The following MTCL3 variants were observed in gnomAD, a reference collection of about 807,000 sequenced individuals.
MTCL3 encodes MTCL family member 3.
chr6:127,505,331 T>C, the MTCL3 span, among the ~76,000 whole-genome samples: 10 of 152,198 alleles, frequency 6.6e-5, no homozygotes, highest in African/African-American at 2.2e-4. Flanking sequence ...TGGAATAGTA[T>C]GCAGCCATAA....
the MTCL3 span, among the ~76,000 whole-genome samples, chr6:127,493,247 T>A: frequency 1.3e-5 from 2 of 152,324 alleles, no homozygotes; most frequent in East Asian, 3.9e-4. Context: ...CAAAGTGAAC[T>A]ATACCCAGAA....
the MTCL3 span, among the ~76,000 whole-genome samples, chr6:127,491,878 CAAA>C: frequency 1.2e-3 from 71 of 60,762 alleles, no homozygotes; most frequent in African/African-American, 3.1e-3. Context: ...GACCCTGTCT[CAAA>C]AAAAAAAAAA....
At chr6:127,486,493 T>G in the MTCL3 span, among the ~76,000 whole-genome samples, 1 of 152,112 alleles carries the variant, frequency 6.6e-6, no homozygotes, top group Non-Finnish European at 1.5e-5. Flanking sequence ...ACCTCCCCCC[T>G]TGTCATCCTC....
the MTCL3 span, chr6:127,516,329 G>C: frequency 3.1e-6 from 5 of 1,595,308 alleles, no homozygotes; most frequent in South Asian, 2.2e-5. Context: ...CCGCCTCCTC[G>C]GATGCTGGCG....
At chr6:127,487,717 C>T in the MTCL3 span, among the ~76,000 whole-genome samples, 1 of 152,106 alleles carries the variant, frequency 6.6e-6, no homozygotes, top group Non-Finnish European at 1.5e-5. Context: ...ATCTTAAGGT[C>T]CAGAGGGGAA....
chr6:127,475,878 G>T, the MTCL3 span: 1 of 1,613,586 alleles, frequency 6.2e-7, no homozygotes, highest in Non-Finnish European at 8.5e-7. This position sits in a 1 kb window ranked among gnomAD's most constrained non-coding sequence, Gnocchi z 7.3. Context: ...TGACCTTGCC[G>T]CTGAGCTCGT....
At chr6:127,516,292 A>T in the MTCL3 span, 1 of 1,548,876 alleles carries the variant, frequency 6.5e-7, no homozygotes, top group Non-Finnish European at 8.7e-7. Context: ...TTTGGGCGCC[A>T]GGGGCGTCGC....
the MTCL3 span, among the ~76,000 whole-genome samples, chr6:127,474,050 C>A: frequency 6.6e-6 from 1 of 152,088 alleles, no homozygotes; most frequent in Admixed American, 6.6e-5. Context: ...ATTAGTGTTG[C>A]CTTCAAGCTA....
At chr6:127,515,501 C>A in the MTCL3 span, 1 of 1,427,092 alleles carries the variant, frequency 7.0e-7, no homozygotes. The surrounding 1 kb of genome is among the most constrained non-coding windows in gnomAD (Gnocchi z 4.3). Context: ...CCGGGTCCCC[C>A]CACCCTCCTC....
the MTCL3 span, among the ~76,000 whole-genome samples, chr6:127,490,423 T>C: frequency 6.6e-6 from 1 of 152,064 alleles, no homozygotes; most frequent in Non-Finnish European, 1.5e-5. Flanking sequence ...AAAATGTACT[T>C]TATAAGGCTA....
chr6:127,516,348 C>T, the MTCL3 span: 4,969 of 1,596,552 alleles, frequency 3.1e-3, 142 homozygotes, highest in African/African-American at 0.056. Flanking sequence ...CGGGCGGCCC[C>T]GTGCGGCTCC....
chr6:127,473,963 G>A, the MTCL3 span, among the ~76,000 whole-genome samples: 4 of 152,084 alleles, frequency 2.6e-5, no homozygotes, highest in Non-Finnish European at 5.9e-5. Context: ...CAATTCATCC[G>A]GTGTGCCTCT....
chr6:127,490,562 T>TA, the MTCL3 span, among the ~76,000 whole-genome samples: 3 of 151,820 alleles, frequency 2.0e-5, no homozygotes, highest in East Asian at 5.8e-4. Flanking sequence ...CTCACGCCTG[T>TA]AATCCAAGCA....
At chr6:127,508,052 A>G in the MTCL3 span, among the ~76,000 whole-genome samples, 1 of 152,032 alleles carries the variant, frequency 6.6e-6, no homozygotes, top group Non-Finnish European at 1.5e-5. Context: ...ATCTAAATAT[A>G]TGTGTGGCCA....
chr6:127,481,896 C>T, the MTCL3 span, among the ~76,000 whole-genome samples: 5 of 152,252 alleles, frequency 3.3e-5, no homozygotes, highest in Admixed American at 6.5e-5. Flanking sequence ...GCTGATGAAA[C>T]GCATTCCAGT....
the MTCL3 span, chr6:127,516,365 T>C: frequency 1.9e-6 from 3 of 1,600,310 alleles, no homozygotes; most frequent in African/African-American, 2.7e-5. Flanking sequence ...CTCCCGGTCT[T>C]GTTACCCTGC....
At chr6:127,493,724 G>A in the MTCL3 span, among the ~76,000 whole-genome samples, 64 of 152,278 alleles carry the variant, frequency 4.2e-4, no homozygotes, top group Admixed American at 9.8e-4. Flanking sequence ...CTAAATAAAA[G>A]CAAATTTTAA....
chr6:127,512,824 A>G, the MTCL3 span: 1 of 1,443,214 alleles, frequency 6.9e-7, no homozygotes, highest in African/African-American at 1.4e-5. Flanking sequence ...CAGTCATATT[A>G]GTCCTTGGGA....
the MTCL3 span, chr6:127,515,494 G>T: frequency 5.0e-6 from 7 of 1,409,342 alleles, no homozygotes; most frequent in Non-Finnish European, 6.5e-6. The surrounding 1 kb of genome is among the most constrained non-coding windows in gnomAD (Gnocchi z 4.3). Flanking sequence ...CCCCCAGCCG[G>T]GTCCCCCCAC....
Sources: allele counts gnomAD v4.1 joint callset (sites outside exome capture counted in the v4.1 genomes callset), GRCh38; gene constraint gnomAD v4.1.1; non-coding constraint Gnocchi (gnomAD v3.1); transcripts MANE v1.5; gene names NCBI Gene and HGNC (gene_info 2026-07-23, HGNC 2026-07-21).